WWOX: variants seen among roughly 807,000 people sequenced by gnomAD.
WWOX encodes WW domain-containing oxidoreductase.
Under a neutral mutation model 46.2 loss-of-function variants are expected in WWOX, and 69 were observed. The observed-to-expected ratio is 1.49, with a 90% CI of 1.23 to 1.82. The LOEUF (loss-of-function observed/expected upper bound fraction) is 1.82, where lower values mean the gene tolerates loss of function less well. Ranked by LOEUF, WWOX falls within the 40% of genes most tolerant of loss-of-function variation. The pLI, the probability that WWOX is intolerant of heterozygous loss-of-function variation, is 0.00. For synonymous variants in WWOX, 359 were observed against 202.6 expected, an observed-to-expected ratio of 1.77 and a Z score of -6.56; for missense variants, 919 against 542.6, an observed-to-expected ratio of 1.69 and a Z score of -6.89.
At chr16:79,151,233 A>G (rs954085245) in intron 8 of WWOX, among the ~76,000 whole-genome samples, 10 of 152,160 alleles carry the variant, frequency 6.6e-5, no homozygotes, top group Non-Finnish European at 1.3e-4. Context: ...TGAAATCTGG[A>G]ACATTCTTTC....
At chr16:78,741,211 C>G (rs1189114519) in intron 8 of WWOX, among the ~76,000 whole-genome samples, 3 of 152,158 alleles carry the variant, frequency 2.0e-5, no homozygotes, top group Admixed American at 2.0e-4. Context: ...TTATTATAAT[C>G]CTGTAACAGA....
intron 8 of WWOX, among the ~76,000 whole-genome samples, chr16:79,193,705 G>A (rs1471362856): frequency 1.3e-5 from 2 of 152,194 alleles, no homozygotes; most frequent in Non-Finnish European, 2.9e-5. Flanking sequence ...CCACTGGTTT[G>A]GAGGAAGGAG....
Position 78,454,832 on chromosome 16 carries a change from A to G in WWOX, c.1056+22080A>G, listed in dbSNP as rs76255515. Among the ~76,000 whole-genome samples the G allele has an allele frequency of 2.2e-3, 336 of 152,204 alleles. 5 individuals are homozygous for G. The East Asian group carries it at 0.054, about 24-fold the overall frequency. On this transcript the variant is annotated intron_variant, in intron 8 of 8. Transcript: ENST00000566780. ...TTTTGTTTTTGTGTATGTGCCAATGATGACCCAGTTTCAATACCAACTGTT... is the reference window on the plus strand; with the variant it reads ...TTTTGTTTTTGTGTATGTGCCAATGGTGACCCAGTTTCAATACCAACTGTT...
chr16:78,152,119 G>A (rs2034432435), intron 4 of WWOX, among the ~76,000 whole-genome samples: 1 of 152,032 alleles, frequency 6.6e-6, no homozygotes, highest in Non-Finnish European at 1.5e-5. Context: ...GAACCCGGGA[G>A]GCGGAGCTTG....
rs534906780 is a variant in WWOX at position 78,113,201 on chromosome 16, C to T, written c.231-1775C>T. On this transcript the variant is annotated intron_variant, in intron 3 of 8. Coordinates refer to ENST00000566780, the MANE Select transcript of WWOX (RefSeq NM_016373.4). ...AAAAATGTACATTCCCAGGCCCCCA[C>T]CCCAGACCTACTGAATCAGCACTGG... Among the ~76,000 whole-genome samples the T allele has an allele frequency of 2.4e-3, 366 of 152,304 alleles. 3 individuals are homozygous for T. Among genetic ancestry groups the T allele is most frequent in the Middle Eastern group, 0.017 (5 of 294 alleles).
At chr16:78,731,556 CTTCT>C (rs1316818885) in intron 8 of WWOX, among the ~76,000 whole-genome samples, 1 of 151,726 alleles carries the variant, frequency 6.6e-6, no homozygotes, top group African/African-American at 2.4e-5. Flanking sequence ...CCTTTCTTAC[CTTCT>C]TTATTTCCTC....
At chr16:78,181,181 G>C (rs1828633337) in intron 5 of WWOX, among the ~76,000 whole-genome samples, 1 of 152,100 alleles carries the variant, frequency 6.6e-6, no homozygotes, top group South Asian at 2.1e-4. Flanking sequence ...ACACGGAGGA[G>C]GGACAGAAAG....
intron 8 of WWOX, among the ~76,000 whole-genome samples, chr16:79,033,734 C>A (rs141912713): frequency 6.6e-6 from 1 of 152,326 alleles, no homozygotes; most frequent in East Asian, 1.9e-4. Context: ...CCAAGCCCAG[C>A]CCCTGGCAAC....
intron 8 of WWOX, among the ~76,000 whole-genome samples, chr16:78,953,288 G>A (rs1020845027): frequency 4.2e-5 from 6 of 143,870 alleles, no homozygotes; most frequent in African/African-American, 1.5e-4. Context: ...AATAGCTCAG[G>A]CACAATTATA....
chr16:78,980,834 C>T (rs915654982), intron 8 of WWOX, among the ~76,000 whole-genome samples: 2 of 152,182 alleles, frequency 1.3e-5, no homozygotes, highest in Admixed American at 1.3e-4. Context: ...TGAAAGTCCT[C>T]TCTTGGAAGG....
intron 5 of WWOX, among the ~76,000 whole-genome samples, chr16:78,177,026 C>T (rs1205291197): frequency 6.6e-6 from 1 of 152,190 alleles, no homozygotes; most frequent in Non-Finnish European, 1.5e-5. Context: ...CCACCCCAGA[C>T]CTACTAGGTA....
At chr16:78,953,772 C>T (rs2046110511) in intron 8 of WWOX, among the ~76,000 whole-genome samples, 3 of 152,224 alleles carry the variant, frequency 2.0e-5, no homozygotes, top group South Asian at 2.1e-4. Context: ...TCGAGCCAGA[C>T]GTTCTGTCTC....
At chr16:78,528,199 C>G (rs541991496) in intron 8 of WWOX, among the ~76,000 whole-genome samples, 4 of 71,812 alleles carry the variant, frequency 5.6e-5, no homozygotes, top group African/African-American at 1.9e-4. Flanking sequence ...CATTTTTAGT[C>G]GAGACAGGGT....
intron 8 of WWOX, among the ~76,000 whole-genome samples, chr16:78,758,540 A>G (rs1017551199): frequency 2.6e-5 from 4 of 152,212 alleles, no homozygotes; most frequent in East Asian, 3.9e-4. Context: ...TAACGCCACT[A>G]TCTATACTTT....
intron 5 of WWOX, among the ~76,000 whole-genome samples, chr16:78,194,116 G>A (rs2035972388): frequency 6.6e-6 from 1 of 151,726 alleles, no homozygotes; most frequent in Non-Finnish European, 1.5e-5. Flanking sequence ...CTGACCTCGT[G>A]ATCCGTCCGC....
intron 8 of WWOX, among the ~76,000 whole-genome samples, chr16:78,941,171 G>C (rs1243717435): frequency 6.6e-6 from 1 of 152,160 alleles, no homozygotes. Flanking sequence ...GTGCATGAAT[G>C]AATAGGAAAT....
At chr16:78,221,215 A>C (rs1011676580) in intron 5 of WWOX, among the ~76,000 whole-genome samples, 6 of 152,198 alleles carry the variant, frequency 3.9e-5, no homozygotes, top group Non-Finnish European at 7.4e-5. Flanking sequence ...CTGCTTGGAA[A>C]GTTAGAGATT....
chr16:78,340,723 A>T (rs962179448), intron 5 of WWOX, among the ~76,000 whole-genome samples: 2 of 118,640 alleles, frequency 1.7e-5, no homozygotes, highest in African/African-American at 5.7e-5. Context: ...ATCCCACAGA[A>T]GGATCTTCTT....
intron 8 of WWOX, among the ~76,000 whole-genome samples, chr16:78,889,775 C>T (rs981375518): frequency 2.4e-4 from 37 of 152,078 alleles, no homozygotes; most frequent in Admixed American, 1.8e-3. Flanking sequence ...TGTTCCGCCT[C>T]GATCACAACA....
Sources: allele counts gnomAD v4.1 joint callset (sites outside exome capture counted in the v4.1 genomes callset), GRCh38; gene constraint gnomAD v4.1.1; transcripts MANE v1.5; gene names NCBI Gene and HGNC (gene_info 2026-07-23, HGNC 2026-07-21).